Variants in PID1 observed in about 807,000 individuals in gnomAD.
PID1 encodes PTB-containing, cubilin and LRP1-interacting protein.
In PID1, 10 loss-of-function variants were observed where a neutral mutation model predicts 19.1. The ratio of observed to expected loss-of-function variants is 0.52; its 90% CI spans 0.32 to 0.89. PID1 has a LOEUF of 0.89. PID1 is among the 40% of genes least tolerant of loss of function. The probability of loss-of-function intolerance (pLI) is 0.03; values close to 1 mark genes in which losing one functional copy is unlikely to be tolerated. For missense variants in PID1, 248 were observed against 285.3 expected (o/e 0.87, Z 0.94); for synonymous variants, 130 against 116.0 (o/e 1.12, Z -0.78).
At chr2:229,098,799 A>G (rs1481437080) in intron 2 of PID1, among the ~76,000 whole-genome samples, 1 of 152,218 alleles carries the variant, frequency 6.6e-6, no homozygotes, top group Non-Finnish European at 1.5e-5. Context: ...TTTCATGTTC[A>G]GAGCAAGTGA....
intron 1 of PID1, among the ~76,000 whole-genome samples, chr2:229,269,643 C>G (rs552522913): frequency 6.6e-6 from 1 of 152,206 alleles, no homozygotes; most frequent in Non-Finnish European, 1.5e-5. Flanking sequence ...ACTTCAAATG[C>G]GCCACTGGTA....
chr2:229,158,868 T>C (rs1394414005), intron 1 of PID1, among the ~76,000 whole-genome samples: 2 of 150,916 alleles, frequency 1.3e-5, no homozygotes, highest in African/African-American at 4.9e-5. Flanking sequence ...TTGTGGGATC[T>C]AAAAATAAAA....
chr2:229,186,600 A>G (rs534818317), intron 1 of PID1, among the ~76,000 whole-genome samples: 23 of 152,288 alleles, frequency 1.5e-4, no homozygotes, highest in Admixed American at 1.2e-3. Context: ...ACAGGGCACC[A>G]AGTCCCTAGG....
chr2:229,225,416 C>T (rs1692056694), intron 1 of PID1, among the ~76,000 whole-genome samples: 1 of 152,008 alleles, frequency 6.6e-6, no homozygotes, highest in African/African-American at 2.4e-5. Context: ...CTGAGAGGTG[C>T]CAGACAATAG....
chr2:229,075,577 A>G (rs1389440662), intron 2 of PID1, among the ~76,000 whole-genome samples: 1 of 152,240 alleles, frequency 6.6e-6, no homozygotes, highest in African/African-American at 2.4e-5. Flanking sequence ...CATGTTTGCA[A>G]TCAAGATGGC....
chr2:229,169,403 T>A (rs1171256218), intron 1 of PID1, among the ~76,000 whole-genome samples: 1 of 152,162 alleles, frequency 6.6e-6, no homozygotes, highest in Non-Finnish European at 1.5e-5. Flanking sequence ...CTTTTTTAAG[T>A]TTTTAAACAG....
At chr2:229,027,880 G>T (rs1167808517) in intron 2 of PID1, among the ~76,000 whole-genome samples, 1 of 152,104 alleles carries the variant, frequency 6.6e-6, no homozygotes, top group African/African-American at 2.4e-5. Flanking sequence ...GTGGTCTGAG[G>T]AATCGGGGCG....
Position 229,123,466 on chromosome 2 carries a change from A to T in PID1, c.177+32352T>A, listed in dbSNP as rs537252019. Among the ~76,000 whole-genome samples, 15 of 152,366 alleles carry T rather than the reference A, an allele frequency of 9.8e-5. No individual in the cohort carries two copies. The East Asian group carries it at 2.9e-3, about 29-fold the overall frequency. On this transcript the variant is annotated intron_variant, in intron 2 of 2. Coordinates refer to ENST00000392055, the MANE Select transcript of PID1 (RefSeq NM_001100818.2). ...TTCTTTGTACTTTCTGGCTATTATG[A>T]ATAATGTTACTATGAACATTTGTGC...
chr2:229,111,391 T>C (rs968968753), intron 2 of PID1, among the ~76,000 whole-genome samples: 3 of 152,276 alleles, frequency 2.0e-5, no homozygotes, highest in African/African-American at 7.2e-5. Flanking sequence ...ATTATAACTA[T>C]TACATCGATT....
intron 1 of PID1, among the ~76,000 whole-genome samples, chr2:229,208,379 T>G (rs542494449): frequency 6.6e-6 from 1 of 152,238 alleles, no homozygotes; most frequent in African/African-American, 2.4e-5. Context: ...ACCTTGGATA[T>G]GTATAGAATC....
intron 2 of PID1, among the ~76,000 whole-genome samples, chr2:229,121,676 A>T (rs1297384548): frequency 6.6e-6 from 1 of 152,146 alleles, no homozygotes; most frequent in Non-Finnish European, 1.5e-5. Context: ...TCTCCTCTCA[A>T]ATTATACTTT....
chr2:229,090,814 G>A (rs893438332), intron 2 of PID1, among the ~76,000 whole-genome samples: 5 of 152,244 alleles, frequency 3.3e-5, no homozygotes, highest in Admixed American at 3.3e-4. Context: ...ATTATTTATT[G>A]AACATGTACT....
intron 1 of PID1, among the ~76,000 whole-genome samples, chr2:229,258,269 G>A (rs150169799): frequency 6.6e-6 from 1 of 152,332 alleles, no homozygotes; most frequent in Non-Finnish European, 1.5e-5. Context: ...CCACCCTTTG[G>A]TCTGGATTTG....
At chr2:229,143,200 G>T (rs912725644) in intron 2 of PID1, among the ~76,000 whole-genome samples, 2 of 140,012 alleles carry the variant, frequency 1.4e-5, no homozygotes. Context: ...CTGCTGTGGG[G>T]TAGGGGGAGG....
chr2:229,229,818 C>T (rs867133820), intron 1 of PID1, among the ~76,000 whole-genome samples: 1 of 152,304 alleles, frequency 6.6e-6, no homozygotes, highest in Non-Finnish European at 1.5e-5. Context: ...GTTTCACCTA[C>T]AAAATTTCAA....
chr2:229,069,270 A>G (rs1274372619), intron 2 of PID1, among the ~76,000 whole-genome samples: 14 of 151,842 alleles, frequency 9.2e-5, no homozygotes, highest in Admixed American at 5.9e-4. Context: ...TAATAAACTC[A>G]GCTGAGGACA....
chr2:229,091,863 T>A (rs11893224), intron 2 of PID1, among the ~76,000 whole-genome samples: 2 of 152,120 alleles, frequency 1.3e-5, no homozygotes, highest in African/African-American at 4.8e-5. Context: ...GATTTTTCAC[T>A]GCCATCTGTG....
intron 2 of PID1, among the ~76,000 whole-genome samples, chr2:229,139,049 G>GC (rs1689934086): frequency 6.1e-5 from 4 of 65,740 alleles, no homozygotes; most frequent in Admixed American, 1.4e-4. Flanking sequence ...GAGAAAGAAA[G>GC]AAAGAAAGAG....
At chr2:229,154,906 G>A (rs772183141) in intron 2 of PID1, among the ~76,000 whole-genome samples, 56 of 152,074 alleles carry the variant, frequency 3.7e-4, no homozygotes, top group Middle Eastern at 3.2e-3. Flanking sequence ...AGAGAGTATC[G>A]TGTGAGAAAA....
Sources: allele counts gnomAD v4.1 joint callset (sites outside exome capture counted in the v4.1 genomes callset), GRCh38; gene constraint gnomAD v4.1.1; transcripts MANE v1.5; gene names NCBI Gene and HGNC (gene_info 2026-07-23, HGNC 2026-07-21).